IRAK1BP1: variants seen among roughly 807,000 people sequenced by gnomAD.
IRAK1BP1 encodes the protein interleukin-1 receptor-associated kinase 1-binding protein 1.
Under a neutral mutation model 28.0 loss-of-function variants are expected in IRAK1BP1, and 24 were observed. The observed-to-expected ratio is 0.86, with a 90% CI of 0.62 to 1.20. The LOEUF is 1.20. Among genes scored for constraint, IRAK1BP1 ranks in the 50% most tolerant of loss-of-function variants. The probability of loss-of-function intolerance (pLI) is 0.00; values close to 1 mark genes in which losing one functional copy is unlikely to be tolerated. For synonymous variants in IRAK1BP1, 131 were observed against 116.3 expected, an observed-to-expected ratio of 1.13 and a Z score of -0.81; for missense variants, 336 against 316.7, an observed-to-expected ratio of 1.06 and a Z score of -0.46.
At chr6:78,873,047 G>A (rs1581988708) in intron 1 of IRAK1BP1, among the ~76,000 whole-genome samples, 2 of 151,820 alleles carry the variant, frequency 1.3e-5, no homozygotes, top group South Asian at 4.2e-4. Flanking sequence ...CTTGAGATCA[G>A]GAGTTCAAGG....
intron 4 of IRAK1BP1, among the ~76,000 whole-genome samples, chr6:78,933,893 T>G (rs1773157525): frequency 6.6e-6 from 1 of 152,124 alleles, no homozygotes; most frequent in Non-Finnish European, 1.5e-5. Context: ...CTTCAATGAC[T>G]TTTCCTTTGC....
chr6:78,881,555 A>T (rs908333554), intron 1 of IRAK1BP1, among the ~76,000 whole-genome samples: 3 of 152,182 alleles, frequency 2.0e-5, no homozygotes, highest in African/African-American at 7.2e-5. Context: ...CTATCACAGG[A>T]TCAATCCCAG....
At chr6:78,920,302 G>A (rs550765011) in intron 4 of IRAK1BP1, among the ~76,000 whole-genome samples, 1 of 151,808 alleles carries the variant, frequency 6.6e-6, no homozygotes, top group East Asian at 1.9e-4. Flanking sequence ...AACTCATATG[G>A]AACCAAAAAA....
intron 4 of IRAK1BP1, chr6:78,938,339 T>C (rs1164832710): frequency 6.6e-6 from 1 of 151,648 alleles, no homozygotes; most frequent in South Asian, 2.1e-4. Context: ...ACTCATTTCT[T>C]TGCTTGAGTT....
rs562446502 is a variant in IRAK1BP1, at chr6:78,895,655, A to G, written c.382-2174A>G. 2.0e-4 allele frequency among the ~76,000 whole-genome samples: 30 copies of G among 152,328 alleles called. No homozygotes were observed. In the South Asian group the frequency reaches 2.5e-3, roughly 13 times the overall value. On this transcript the variant is annotated intron_variant, in intron 2 of 3. Coordinates refer to ENST00000369940, the MANE Select transcript of IRAK1BP1 (RefSeq NM_001010844.4). ...TGAAAAAAATCACATGATTATCTCAATAGATACAGAAGAAGCACTTAACAA... is the reference window on the plus strand; with the variant it reads ...TGAAAAAAATCACATGATTATCTCAGTAGATACAGAAGAAGCACTTAACAA...
intron 1 of IRAK1BP1, among the ~76,000 whole-genome samples, chr6:78,877,800 T>C (rs1336205318): frequency 1.3e-5 from 2 of 152,120 alleles, no homozygotes; most frequent in Non-Finnish European, 2.9e-5. Flanking sequence ...CCTAATACTG[T>C]GCTTTTCCAA....
chr6:78,909,067 TA>T (rs1246234981), intron 4 of IRAK1BP1, among the ~76,000 whole-genome samples: 1 of 152,130 alleles, frequency 6.6e-6, no homozygotes, highest in Non-Finnish European at 1.5e-5. Context: ...TATGAAGTGA[TA>T]AGAGGGAAAA....
chr6:78,868,608 A>C (rs1056132820), intron 1 of IRAK1BP1, among the ~76,000 whole-genome samples: 11 of 152,270 alleles, frequency 7.2e-5, no homozygotes, highest in Admixed American at 6.5e-4. Context: ...CTAAGGCAAG[A>C]AAAAAAATGA....
At chr6:78,953,540 A>G in the IRAK1BP1 span, among the ~76,000 whole-genome samples, 1 of 152,228 alleles carries the variant, frequency 6.6e-6, no homozygotes, top group African/African-American at 2.4e-5. Flanking sequence ...AGAACATTAT[A>G]GCATCAGCTC....
exon 5 of IRAK1BP1, chr6:78,946,046 T>A: frequency 1.9e-6 from 3 of 1,612,058 alleles, no homozygotes; most frequent in Non-Finnish European, 2.5e-6. Flanking sequence ...GTAATAAAAG[T>A]CTTTGCAGCT....
At chr6:78,940,834 T>C in intron 4 of IRAK1BP1, 1 of 1,614,050 alleles carries the variant, frequency 6.2e-7, no homozygotes, top group Non-Finnish European at 8.5e-7. Context: ...TATAGAAAGC[T>C]GTCCTTCGAC....
chr6:78,926,215 C>T lies in IRAK1BP1; in HGVS notation c.*68-19193C>T, dbSNP rs1267342360. On this transcript the variant is annotated intron_variant and NMD_transcript_variant, in intron 4 of 4. Transcript: ENST00000606868. Reference sequence around the variant, plus strand: ...CAAAGAAAAGGGAATGCTTATACACCGTTTGCAGGAATGTAAATTAGTTCA... The same window carrying T: ...CAAAGAAAAGGGAATGCTTATACACTGTTTGCAGGAATGTAAATTAGTTCA... 3.9e-5 allele frequency among the ~76,000 whole-genome samples: 6 copies of T among 152,124 alleles called. 1 individual carries two copies. The Middle Eastern group carries it at 0.017, about 431-fold the overall frequency.
intron 1 of IRAK1BP1, among the ~76,000 whole-genome samples, chr6:78,875,872 TAAA>T (rs1770984208): frequency 6.6e-6 from 1 of 152,082 alleles, no homozygotes; most frequent in Non-Finnish European, 1.5e-5. Context: ...AATAAATAAA[TAAA>T]AATATATATA....
At chr6:78,925,339 C>CA (rs1441172378) in intron 4 of IRAK1BP1, among the ~76,000 whole-genome samples, 1 of 151,652 alleles carries the variant, frequency 6.6e-6, no homozygotes, top group Non-Finnish European at 1.5e-5. Flanking sequence ...AATCCACAAG[C>CA]AAAAAAACCA....
chr6:78,925,024 T>C (rs1772848533), intron 4 of IRAK1BP1, among the ~76,000 whole-genome samples: 1 of 152,064 alleles, frequency 6.6e-6, no homozygotes, highest in Non-Finnish European at 1.5e-5. Flanking sequence ...TGTAGGGACA[T>C]GGATGAAGCT....
chr6:78,962,157 C>CT, the IRAK1BP1 span, among the ~76,000 whole-genome samples: 2 of 152,148 alleles, frequency 1.3e-5, no homozygotes, highest in Non-Finnish European at 2.9e-5. Context: ...ATTATTAACA[C>CT]TGTAACATAC....
Position 78,891,763 on chromosome 6 carries a change from A to G in IRAK1BP1, c.382-6066A>G, listed in dbSNP as rs149858158. Among the ~76,000 whole-genome samples, 477 of 152,286 alleles carry G rather than the reference A, an allele frequency of 3.1e-3. 2 individuals are homozygous for G. The highest frequency in any genetic ancestry group is 0.01 in the African/African-American group (422 of 41,566). ...AGGCGTGAGCCACCGTGCCCAGCCT[A>G]GAGGAATTTTTTAATCCTGGGGTAT... On this transcript the variant is annotated intron_variant, in intron 2 of 3. Transcript: ENST00000369940.
chr6:78,974,732 A>T, the IRAK1BP1 span, among the ~76,000 whole-genome samples: 10 of 152,150 alleles, frequency 6.6e-5, no homozygotes, highest in Non-Finnish European at 1.3e-4. Flanking sequence ...CCATCAGAGA[A>T]TACTACAAAC....
chr6:78,934,516 G>A (rs1017912722), intron 4 of IRAK1BP1, among the ~76,000 whole-genome samples: 8 of 152,146 alleles, frequency 5.3e-5, no homozygotes, highest in Non-Finnish European at 1.0e-4. Flanking sequence ...AACATTAAAA[G>A]TCCTTCTGCT....
Sources: gnomAD v4.1 joint callset for allele counts (sites outside exome capture counted in the v4.1 genomes callset) on GRCh38, gnomAD v4.1.1 for gene constraint, MANE v1.5 for transcripts, NCBI Gene and HGNC (gene_info 2026-07-23, HGNC 2026-07-21) for gene names.